The following ZNF569 variants were observed in gnomAD, a reference collection of about 807,000 sequenced individuals.
The protein encoded by ZNF569 is DNA-binding protein.
In ZNF569, 38 loss-of-function variants were observed where a neutral mutation model predicts 56.3. The observed-to-expected ratio is 0.68, with a 90% confidence interval of 0.52 to 0.88. The LOEUF is 0.88. Among genes scored for constraint, ZNF569 ranks in the 40% least tolerant of loss-of-function variants. The pLI is 0.00. For synonymous variants in ZNF569, 241 were observed against 262.9 expected (o/e 0.92, Z 0.81); for missense variants, 666 against 809.2 (o/e 0.82, Z 2.15).
intron 3 of ZNF569, among the ~76,000 whole-genome samples, chr19:37,437,587 C>A (rs916963379): frequency 6.6e-6 from 1 of 152,078 alleles, no homozygotes; most frequent in South Asian, 2.1e-4. Context: ...AACCTGAAGA[C>A]TCCAGCAAAA....
At chr19:37,429,927 T>C (rs554294490) in intron 3 of ZNF569, among the ~76,000 whole-genome samples, 1 of 152,332 alleles carries the variant, frequency 6.6e-6, no homozygotes, top group Non-Finnish European at 1.5e-5. Flanking sequence ...ACACAGTGGC[T>C]CACGCCTGTA....
intron 5 of ZNF569, among the ~76,000 whole-genome samples, chr19:37,423,855 G>T (rs1056761986): frequency 2.0e-5 from 3 of 152,096 alleles, no homozygotes; most frequent in African/African-American, 7.2e-5. Context: ...CCTCAGTTTG[G>T]CAACGATTTT....
rs1463752235 is a variant in ZNF569 at position 37,414,034 on chromosome 19, A to T, written c.624T>A (p.His208Gln). The change falls in exon 6 of 6, where the codon CAT becomes CAA. Residue 208 changes from histidine to glutamine, a missense_variant. By Grantham distance (24) the His-to-Gln change is conservative (BLOSUM62 0). Coordinates refer to ENST00000316950, the MANE Select transcript of ZNF569 (RefSeq NM_152484.3). ...TACATTCATAGGGCTTCTCTCCAGT[A>T]TGAATTCTCAGATGTCTGATGAGGT... ...TLDLIRHLRI[H>Q]TGEKPYECSN... The T allele has an allele frequency of 6.2e-7, 1 of 1,613,394 alleles. No individual in the cohort carries two copies. Among genetic ancestry groups the T allele is most frequent in the African/African-American group, 1.3e-5 (1 of 74,894 alleles).
At chr19:37,446,567 A>AAAG (rs71177451) in intron 2 of ZNF569, among the ~76,000 whole-genome samples, 31,447 of 140,688 alleles carry the variant, frequency 0.22, 4,543 homozygotes, top group African/African-American at 0.38. Context: ...AAAAAAAAAA[A>AAAG]AAGAATGAAA....
chr19:37,413,571 A>T lies in ZNF569; in HGVS notation c.1087T>A (p.Phe363Ile). 1.2e-6 allele frequency: 2 copies of T among 1,613,458 alleles called. No individual in the cohort carries two copies. Among genetic ancestry groups the T allele is most frequent in the Non-Finnish European group, 1.7e-6 (2 of 1,179,760 alleles). ...PYKCDKCGKA[F>I]SQFSMLIIHV... Reference sequence around the variant, plus strand: ...ATAATAAGCATGGAAAACTGAGAGAAGGCTTTACCACATTTATCACATTTA... The same window carrying T: ...ATAATAAGCATGGAAAACTGAGAGATGGCTTTACCACATTTATCACATTTA... The change falls in exon 6 of 6, where the codon TTC (phenylalanine) becomes ATC (isoleucine). Residue 363 changes from phenylalanine (F) to isoleucine (I), a missense_variant. By Grantham distance (21) the Phe-to-Ile change is conservative. Coordinates refer to ENST00000316950, the MANE Select transcript of ZNF569 (RefSeq NM_152484.3).
intron 5 of ZNF569, among the ~76,000 whole-genome samples, chr19:37,417,596 C>T (rs572784995): frequency 5.3e-4 from 80 of 152,108 alleles, no homozygotes; most frequent in Non-Finnish European, 9.6e-4. Flanking sequence ...TTTGTTTCAG[C>T]AGCCCTAGGA....
At chr19:37,431,286 C>G (rs1209907234) in intron 3 of ZNF569, among the ~76,000 whole-genome samples, 2 of 152,098 alleles carry the variant, frequency 1.3e-5, no homozygotes, top group East Asian at 3.9e-4. Context: ...CCAGGAGAGA[C>G]CCCTTCCTTC....
intron 3 of ZNF569, among the ~76,000 whole-genome samples, chr19:37,438,780 C>T (rs989831506): frequency 6.6e-6 from 1 of 152,052 alleles, no homozygotes; most frequent in Non-Finnish European, 1.5e-5. Flanking sequence ...AGCTTCTGTA[C>T]AGCAAGGGAA....
intron 3 of ZNF569, among the ~76,000 whole-genome samples, chr19:37,437,284 C>T (rs897659096): frequency 6.6e-6 from 1 of 152,130 alleles, no homozygotes; most frequent in Admixed American, 6.5e-5. Context: ...TTCAACATCC[C>T]TTCCATGATA....
chr19:37,446,073 A>G (rs1036666439), intron 2 of ZNF569, among the ~76,000 whole-genome samples: 3 of 152,246 alleles, frequency 2.0e-5, no homozygotes, highest in Non-Finnish European at 4.4e-5. Flanking sequence ...ACAGTCACCA[A>G]AACAGCATGG....
intron 3 of ZNF569, among the ~76,000 whole-genome samples, chr19:37,438,421 C>T (rs1279146514): frequency 8.6e-5 from 13 of 152,010 alleles, no homozygotes; most frequent in Non-Finnish European, 1.9e-4. Context: ...CAAGCAGACA[C>T]AAAGACCAAT....
chr19:37,468,211 G>A (rs1344808158), upstream of ZNF569, among the ~76,000 whole-genome samples: 1 of 151,340 alleles, frequency 6.6e-6, no homozygotes, highest in Non-Finnish European at 1.5e-5. Flanking sequence ...TCGGCCTTCC[G>A]AGTAACTGGG....
chr19:37,455,285 A>G (rs1310168915), intron 2 of ZNF569, among the ~76,000 whole-genome samples: 1 of 152,234 alleles, frequency 6.6e-6, no homozygotes, highest in East Asian at 1.9e-4. Context: ...GACGGAATTC[A>G]GTATACTGGA....
At position 37,419,671 on chromosome 19, in the gene ZNF569, C is replaced by T. The variant is rs1211287692; in HGVS notation, c.239-5252G>A. On this transcript the variant is annotated intron_variant, in intron 5 of 5. Transcript: ENST00000316950. ...CTGGGAGGTGGAGGTTGCAGTGAGC[C>T]GAGATCATGCCACTGCACTCCAGCC... Among the ~76,000 whole-genome samples, 12 of 151,596 alleles carry T rather than the reference C, an allele frequency of 7.9e-5. No individual in the cohort carries two copies. In the East Asian group the frequency reaches 1.2e-3, roughly 15 times the overall value.
At chr19:37,456,819 T>A (rs903944653) in intron 2 of ZNF569, among the ~76,000 whole-genome samples, 7 of 151,694 alleles carry the variant, frequency 4.6e-5, no homozygotes, top group African/African-American at 1.7e-4. Context: ...ATACAAAAAA[T>A]TAGCTGGGCA....
chr19:37,422,011 A>T (rs1178600692), intron 5 of ZNF569, among the ~76,000 whole-genome samples: 1 of 152,054 alleles, frequency 6.6e-6, no homozygotes, highest in Non-Finnish European at 1.5e-5. Context: ...CAGCCTGCCA[A>T]AGTGTTAGGA....
chr19:37,452,982 T>G (rs1437370808), intron 2 of ZNF569, among the ~76,000 whole-genome samples: 1 of 152,180 alleles, frequency 6.6e-6, no homozygotes, highest in African/African-American at 2.4e-5. Flanking sequence ...CACTTAAGCC[T>G]TCTTCACTCT....
intron 2 of ZNF569, among the ~76,000 whole-genome samples, chr19:37,452,412 A>G (rs1263993922): frequency 6.6e-6 from 1 of 152,022 alleles, no homozygotes; most frequent in Non-Finnish European, 1.5e-5. Flanking sequence ...ACTTTTCTAT[A>G]CTGTCTTTTT....
At chr19:37,421,802 T>C (rs1474745622) in intron 5 of ZNF569, among the ~76,000 whole-genome samples, 1 of 145,470 alleles carries the variant, frequency 6.9e-6, no homozygotes, top group Non-Finnish European at 1.5e-5. Context: ...TAGGCTGGGA[T>C]GCAGTAGTGT....
Sources: gnomAD v4.1 joint callset for allele counts (sites outside exome capture counted in the v4.1 genomes callset) on GRCh38, gnomAD v4.1.1 for gene constraint, MANE v1.5 for transcripts, NCBI Gene and HGNC (gene_info 2026-07-23, HGNC 2026-07-21) for gene names.